REDIC1: variants seen among roughly 807,000 people sequenced by gnomAD.
REDIC1 encodes HEI10 Interacting Protein 1.
the REDIC1 span, among the ~76,000 whole-genome samples, chr12:39,894,666 G>A: frequency 0.44 from 67,406 of 152,000 alleles, 15,313 homozygotes; most frequent in East Asian, 0.76. Context: ...TCTTTTTTAG[G>A]TCAGGGCCAA....
the REDIC1 span, among the ~76,000 whole-genome samples, chr12:39,858,591 G>A: frequency 2.8e-4 from 43 of 152,114 alleles, no homozygotes; most frequent in Non-Finnish European, 5.7e-4. Flanking sequence ...GGGGCTAATA[G>A]GGTTTTTACA....
chr12:39,735,113 A>C, the REDIC1 span, among the ~76,000 whole-genome samples: 2 of 152,210 alleles, frequency 1.3e-5, no homozygotes, highest in Non-Finnish European at 1.5e-5. Flanking sequence ...TAGTTGTTAC[A>C]CATTTTGGTA....
At chr12:39,843,537 TAGAG>T in the REDIC1 span, among the ~76,000 whole-genome samples, 1 of 152,104 alleles carries the variant, frequency 6.6e-6, no homozygotes, top group Non-Finnish European at 1.5e-5. Context: ...TCAAGGTAGA[TAGAG>T]AATTATAATA....
chr12:39,653,538 T>TCTTCTTCTTTTTCTTCTTCTTCTTC, the REDIC1 span, among the ~76,000 whole-genome samples: 635 of 66,654 alleles, frequency 9.5e-3, 37 homozygotes, highest in African/African-American at 0.012. Context: ...TTCTTCTTCT[T>TCTTCTTCTTTTTCTTCTTCTTCTTC]TTTCTTCTTC....
the REDIC1 span, among the ~76,000 whole-genome samples, chr12:39,777,992 C>A: frequency 6.6e-6 from 1 of 152,270 alleles, no homozygotes; most frequent in South Asian, 2.1e-4. Context: ...TAAAAGAGCA[C>A]CCTGTAACAC....
chr12:39,656,876 T>A, the REDIC1 span, among the ~76,000 whole-genome samples: 1 of 152,108 alleles, frequency 6.6e-6, no homozygotes, highest in African/African-American at 2.4e-5. Context: ...AAAGAAAAAT[T>A]TTTTTACAGC....
At chr12:39,816,025 T>TA in the REDIC1 span, among the ~76,000 whole-genome samples, 1 of 152,226 alleles carries the variant, frequency 6.6e-6, no homozygotes, top group Non-Finnish European at 1.5e-5. Context: ...TCTCTAGACT[T>TA]ACAGTGTCCA....
At chr12:39,713,588 G>A in the REDIC1 span, among the ~76,000 whole-genome samples, 15 of 148,236 alleles carry the variant, frequency 1.0e-4, no homozygotes, top group Non-Finnish European at 2.1e-4. Context: ...GTATACACAT[G>A]TATAGATACG....
chr12:39,713,107 G>A, the REDIC1 span, among the ~76,000 whole-genome samples: 6,240 of 146,638 alleles, frequency 0.043, 353 homozygotes, highest in East Asian at 0.067. Context: ...GTGCATATAC[G>A]TATATATGTA....
the REDIC1 span, among the ~76,000 whole-genome samples, chr12:39,848,453 C>T: frequency 6.6e-6 from 1 of 152,046 alleles, no homozygotes; most frequent in Non-Finnish European, 1.5e-5. Context: ...TAGAGAAATG[C>T]AAATCAAAAC....
At chr12:39,895,838 GCACACACA>G in the REDIC1 span, among the ~76,000 whole-genome samples, 255 of 86,028 alleles carry the variant, frequency 3.0e-3, 64 homozygotes, top group East Asian at 0.042. Flanking sequence ...GCGTGTATAT[GCACACACA>G]TATGTATATG....
chr12:39,684,189 T>A, the REDIC1 span: 1 of 1,036,746 alleles, frequency 9.6e-7, no homozygotes, highest in African/African-American at 1.7e-5. Flanking sequence ...ATGTTAAATT[T>A]ATTCCTTAAA....
the REDIC1 span, among the ~76,000 whole-genome samples, chr12:39,645,224 C>G: frequency 6.6e-6 from 1 of 151,916 alleles, no homozygotes; most frequent in Non-Finnish European, 1.5e-5. Flanking sequence ...GGATAATGGC[C>G]TGAACTCCTG....
At chr12:39,720,396 G>A in the REDIC1 span, among the ~76,000 whole-genome samples, 2 of 151,876 alleles carry the variant, frequency 1.3e-5, no homozygotes, top group East Asian at 1.9e-4. Context: ...TCCTTCGAAG[G>A]TACTTCTTCT....
chr12:39,712,170 A>G, the REDIC1 span, among the ~76,000 whole-genome samples: 3 of 143,840 alleles, frequency 2.1e-5, no homozygotes, highest in African/African-American at 7.7e-5. Flanking sequence ...ATGTACATGT[A>G]TATATACCTG....
At chr12:39,726,731 A>T in the REDIC1 span, among the ~76,000 whole-genome samples, 1 of 152,288 alleles carries the variant, frequency 6.6e-6, no homozygotes, top group South Asian at 2.1e-4. Flanking sequence ...TCCTTGAGGA[A>T]TCGCCACACT....
chr12:39,627,306 C>T, the REDIC1 span, among the ~76,000 whole-genome samples: 1 of 152,130 alleles, frequency 6.6e-6, no homozygotes, highest in Non-Finnish European at 1.5e-5. Flanking sequence ...TGGCAGCAGA[C>T]GTACTCTGGA....
At chr12:39,721,379 G>A in the REDIC1 span, 1 of 741,496 alleles carries the variant, frequency 1.3e-6, no homozygotes, top group Non-Finnish European at 2.2e-6. Flanking sequence ...ACAGTGTTCA[G>A]GGTGTATATT....
the REDIC1 span, among the ~76,000 whole-genome samples, chr12:39,665,164 T>A: frequency 1.3e-5 from 2 of 152,074 alleles, no homozygotes; most frequent in East Asian, 1.9e-4. Flanking sequence ...ATGTCCTGAA[T>A]GGTATTGCCT....
Sources: allele counts gnomAD v4.1 joint callset (sites outside exome capture counted in the v4.1 genomes callset), GRCh38; gene constraint gnomAD v4.1.1; transcripts MANE v1.5; gene names NCBI Gene and HGNC (gene_info 2026-07-23, HGNC 2026-07-21).